The following IRAG1 variants were observed in gnomAD, a reference collection of about 807,000 sequenced individuals.
IRAG1 encodes inositol 1,4,5-triphosphate receptor associated 1, also known as IP3R-associated cGMP kinase substrate.
Under a neutral mutation model 106.2 loss-of-function variants are expected in IRAG1, and 62 were observed. That is an observed-to-expected ratio of 0.58 (90% CI 0.48 to 0.72). IRAG1 has a LOEUF of 0.72. IRAG1 is among the 30% of genes least tolerant of loss of function. IRAG1 has a pLI of 0.00. For synonymous variants in IRAG1, 462 were observed against 443.9 expected, an observed-to-expected ratio of 1.04 and a Z score of -0.51; for missense variants, 1,064 against 1,140.7, an observed-to-expected ratio of 0.93 and a Z score of 0.97.
chr11:10,690,671 G>A (rs1048266014), intron 1 of IRAG1, among the ~76,000 whole-genome samples: 4 of 152,110 alleles, frequency 2.6e-5, no homozygotes, highest in Admixed American at 6.5e-5. Context: ...ACTAACTAGC[G>A]GCAGGGTGAC....
intron 11 of IRAG1, among the ~76,000 whole-genome samples, chr11:10,607,663 T>G (rs1441068248): frequency 1.3e-5 from 2 of 151,588 alleles, no homozygotes; most frequent in Non-Finnish European, 1.5e-5. Context: ...CAACAGAGCA[T>G]GCCATCAATA....
At chr11:10,605,237 A>G (rs996517203) in intron 12 of IRAG1, among the ~76,000 whole-genome samples, 10 of 152,248 alleles carry the variant, frequency 6.6e-5, no homozygotes, top group Non-Finnish European at 1.2e-4. Flanking sequence ...AAATAGACAG[A>G]TGGACCTCAC....
At chr11:10,682,225 CAG>C (rs1266722202) in intron 1 of IRAG1, among the ~76,000 whole-genome samples, 4 of 152,194 alleles carry the variant, frequency 2.6e-5, no homozygotes, top group Non-Finnish European at 4.4e-5. Context: ...ACAGAAATGA[CAG>C]AAAGTTACAG....
intron 1 of IRAG1, among the ~76,000 whole-genome samples, chr11:10,654,481 C>A (rs1030534528): frequency 6.6e-6 from 1 of 152,204 alleles, no homozygotes. Flanking sequence ...CTACTGGTCA[C>A]CTCAAGAAAT....
At chr11:10,676,326 G>C (rs1450125429) in intron 1 of IRAG1, among the ~76,000 whole-genome samples, 2 of 152,238 alleles carry the variant, frequency 1.3e-5, no homozygotes, top group Admixed American at 6.5e-5. Context: ...ACTCAGCACA[G>C]TCAGTGCTTT....
chr11:10,634,127 G>A (rs1012157310), intron 2 of IRAG1, 56 bp from the exon 3 acceptor site: 4 of 1,073,756 alleles, frequency 3.7e-6, no homozygotes, highest in Middle Eastern at 2.0e-4. Flanking sequence ...GACTTCCAGG[G>A]ACAGGAGCCA....
Position 10,632,014 on chromosome 11 carries a change from G to T in IRAG1, c.377C>A (p.Ser126Tyr). 1 of 1,613,760 alleles carries T rather than the reference G, an allele frequency of 6.2e-7. No individual in the cohort carries two copies. Among genetic ancestry groups the T allele is most frequent in the Non-Finnish European group, 8.5e-7 (1 of 1,179,794 alleles). The change falls in exon 4 of 21, where the codon TCC becomes TAC. Residue 126 changes from serine (S) to tyrosine (Y), a missense_variant. Coordinates refer to ENST00000423302, the MANE Select transcript of IRAG1 (RefSeq NM_130385.4). ...KRLSHRHLKVSTASLTSVDPA... is the reference protein window; with the variant it reads ...KRLSHRHLKVYTASLTSVDPA... ...ACCCACAGATGTCAGGGAGGCAGTG[G>T]ACACCTTCAAGTGTCGGTGAGAAAG... is the stretch of plus-strand genomic sequence containing the variant.
At chr11:10,641,087 T>A (rs557967299) in intron 2 of IRAG1, among the ~76,000 whole-genome samples, 11 of 152,140 alleles carry the variant, frequency 7.2e-5, no homozygotes, top group Non-Finnish European at 1.3e-4. Flanking sequence ...GTGCCCAGGC[T>A]GGTCTCAAAT....
At chr11:10,652,506 T>A in intron 1 of IRAG1, 1 of 421,680 alleles carries the variant, frequency 2.4e-6, no homozygotes, top group Non-Finnish European at 4.0e-6. Context: ...ACATTGGCAG[T>A]TGTTTACCAC....
At chr11:10,629,490 G>T in intron 5 of IRAG1, 48 bp downstream of exon 5, 2 of 1,576,530 alleles carry the variant, frequency 1.3e-6, no homozygotes, top group South Asian at 1.2e-5. Flanking sequence ...CTTCCCTCCC[G>T]ACCCTAGAGG....
At chr11:10,641,781 A>G (rs1269527075) in intron 2 of IRAG1, among the ~76,000 whole-genome samples, 9 of 152,132 alleles carry the variant, frequency 5.9e-5, no homozygotes, top group Admixed American at 5.9e-4. Context: ...TAGAAGATTG[A>G]TATCTTTCTT....
chr11:10,677,636 G>C (rs1379248190), intron 1 of IRAG1, among the ~76,000 whole-genome samples: 1 of 152,108 alleles, frequency 6.6e-6, no homozygotes, highest in African/African-American at 2.4e-5. Flanking sequence ...TGTGACATAT[G>C]ATGTATCATT....
chr11:10,604,674 A>G, intron 12 of IRAG1, 129 bp from the exon 13 acceptor site: 2 of 1,131,824 alleles, frequency 1.8e-6, no homozygotes, highest in South Asian at 2.9e-5. Context: ...CAAAGCAGCC[A>G]TGTGCAAGGG....
chr11:10,609,679 C>A (rs556644740), intron 11 of IRAG1, 49 bp downstream of exon 11: 2 of 1,575,492 alleles, frequency 1.3e-6, no homozygotes, highest in South Asian at 2.3e-5. Context: ...GAATCCAACA[C>A]AGGGGCCACT....
chr11:10,605,614 G>A (rs1413059691), intron 12 of IRAG1, among the ~76,000 whole-genome samples: 2 of 152,204 alleles, frequency 1.3e-5, no homozygotes, highest in Non-Finnish European at 2.9e-5. Flanking sequence ...ACGGAGCCAG[G>A]ATTTAACCTC....
chr11:10,596,641 A>C (rs1017046496), intron 15 of IRAG1, among the ~76,000 whole-genome samples: 3 of 152,166 alleles, frequency 2.0e-5, no homozygotes, highest in Non-Finnish European at 4.4e-5. Context: ...GGACTTTCTC[A>C]TTCTGCATTC....
In IRAG1 at chr11:10,685,274, C is replaced by T. The variant is rs191731364; in HGVS notation, c.67+8262G>A. ...CCAGAATGGCCAACATGGTGAAACC[C>T]TGTCTCTACTAAAAATGCAAAAAAT... On this transcript the variant is annotated intron_variant, in intron 1 of 20. Coordinates refer to ENST00000423302, the MANE Select transcript of IRAG1 (RefSeq NM_130385.4). 9.0e-4 allele frequency among the ~76,000 whole-genome samples: 137 copies of T among 152,132 alleles called. 1 individual carries two copies. Among genetic ancestry groups the T allele is most frequent in the African/African-American group, 3.3e-3 (137 of 41,502 alleles).
intron 18 of IRAG1, among the ~76,000 whole-genome samples, chr11:10,590,226 T>G (rs1852491514): frequency 6.6e-6 from 1 of 152,098 alleles, no homozygotes; most frequent in Admixed American, 6.5e-5. Context: ...TACTTCCATG[T>G]GGTGGTGGTT....
At chr11:10,676,075 C>A (rs1860632232) in intron 1 of IRAG1, among the ~76,000 whole-genome samples, 1 of 152,222 alleles carries the variant, frequency 6.6e-6, no homozygotes, top group Non-Finnish European at 1.5e-5. Context: ...CCTAGAGAAT[C>A]GTGATTTGAT....
Sources: gnomAD v4.1 joint callset for allele counts (sites outside exome capture counted in the v4.1 genomes callset) on GRCh38, gnomAD v4.1.1 for gene constraint, MANE v1.5 for transcripts, NCBI Gene and HGNC (gene_info 2026-07-23, HGNC 2026-07-21) for gene names.